The following DMD variants were observed in gnomAD, a reference collection of about 807,000 sequenced individuals.
DMD encodes the protein dystrophin, also known as mutant dystrophin.
DMD carries 63 observed loss-of-function variants against 330.1 expected under a neutral mutation model. The observed-to-expected ratio is 0.19, with a 90% CI of 0.16 to 0.24. The LOEUF is 0.24. DMD is among the 10% of genes least tolerant of loss of function. DMD has a pLI of 1.00. For missense variants in DMD, 3,344 were observed against 2,684.1 expected (o/e 1.25, Z -5.43); for synonymous variants, 1,223 against 959.8 (o/e 1.27, Z -5.07).
intron 7 of DMD, among the ~76,000 whole-genome samples, chrX:32,784,006 T>G (rs866659861): frequency 3.9e-4 from 35 of 90,409 alleles, no homozygotes; most frequent in Non-Finnish European, 6.4e-4. Flanking sequence ...GGAGCGGGGG[T>G]GGGGGGGGGA....
intron 55 of DMD, among the ~76,000 whole-genome samples, chrX:31,544,127 A>C (rs943726583): frequency 9.0e-6 from 1 of 111,011 alleles, no homozygotes; most frequent in Non-Finnish European, 1.9e-5. Flanking sequence ...GTTCAAGACC[A>C]GTCCGGCTAA....
intron 9 of DMD, among the ~76,000 whole-genome samples, chrX:32,649,559 T>TAAAAAAAAAAAA (rs1161462889): frequency 7.4e-5 from 4 of 54,252 alleles, no homozygotes; most frequent in African/African-American, 5.0e-4. Flanking sequence ...CCGTCTCTTT[T>TAAAAAAAAAAAA]AAAAAAAAAA....
At chrX:33,270,298 AAAGT>A (rs1025292307) in intron 1 of DMD, among the ~76,000 whole-genome samples, 1 of 109,827 alleles carries the variant, frequency 9.1e-6, no homozygotes, top group African/African-American at 3.3e-5. Context: ...AGCTGTGAGT[AAAGT>A]AAGGCTGAGT....
intron 2 of DMD, among the ~76,000 whole-genome samples, chrX:32,967,045 G>A (rs1369222764): frequency 8.9e-6 from 1 of 111,741 alleles, no homozygotes; most frequent in East Asian, 2.8e-4. Flanking sequence ...GCTTGGCTGG[G>A]CAGGATATGT....
chrX:33,172,700 G>A (rs371029910), intron 1 of DMD, among the ~76,000 whole-genome samples: 8 of 111,807 alleles, frequency 7.2e-5, no homozygotes, highest in Non-Finnish European at 1.3e-4. Flanking sequence ...TGCATTTAAC[G>A]CATTAGGAGG....
At chrX:32,853,606 G>A (rs1015259621) in intron 2 of DMD, among the ~76,000 whole-genome samples, 1 of 109,748 alleles carries the variant, frequency 9.1e-6, no homozygotes, top group Non-Finnish European at 1.9e-5. Flanking sequence ...TAAAAAGCAA[G>A]AAATAAAAGC....
At chrX:31,155,900 T>C (rs750645567) in intron 74 of DMD, among the ~76,000 whole-genome samples, 1 of 109,354 alleles carries the variant, frequency 9.1e-6, no homozygotes, top group Admixed American at 9.8e-5. Flanking sequence ...GAGGCTGGGG[T>C]GGGAGGACCG....
intron 1 of DMD, chrX:33,128,503 A>G (rs2095478536): frequency 1.2e-6 from 1 of 818,946 alleles, no homozygotes; most frequent in African/African-American, 2.2e-5. Flanking sequence ...GTTCCCTTCT[A>G]ATCAGTAACC....
At chrX:32,586,307 G>A (rs5972609) in intron 13 of DMD, among the ~76,000 whole-genome samples, 16,275 of 108,888 alleles carry the variant, frequency 0.15, 3,057 homozygotes, top group African/African-American at 0.51. Context: ...AATCGAGTGT[G>A]ACAGGTGTTA....
chrX:33,152,869 A>G (rs906963922), intron 1 of DMD, among the ~76,000 whole-genome samples: 1 of 112,297 alleles, frequency 8.9e-6, no homozygotes, highest in Non-Finnish European at 1.9e-5. Flanking sequence ...ATGTACAAAA[A>G]AAATACAATG....
intron 37 of DMD, among the ~76,000 whole-genome samples, chrX:32,355,508 C>A (rs943024918): frequency 8.9e-6 from 1 of 111,737 alleles, no homozygotes; most frequent in Non-Finnish European, 1.9e-5. Context: ...GTTATGCTAA[C>A]AAGACCCAGA....
chrX:32,434,681 G>A (rs1489743483), intron 29 of DMD, among the ~76,000 whole-genome samples: 1 of 111,797 alleles, frequency 8.9e-6, no homozygotes, highest in Admixed American at 9.5e-5. Flanking sequence ...AATATCCAAA[G>A]GATTGATTTA....
chrX:31,275,363 A>C (rs1370564156), intron 62 of DMD, among the ~76,000 whole-genome samples: 1 of 111,434 alleles, frequency 9.0e-6, no homozygotes, highest in Non-Finnish European at 1.9e-5. Flanking sequence ...GTATTTGGCC[A>C]ATATTGGATT....
At chrX:32,928,764 T>G (rs1019917908) in intron 2 of DMD, among the ~76,000 whole-genome samples, 2 of 112,157 alleles carry the variant, frequency 1.8e-5, no homozygotes, top group African/African-American at 6.5e-5. Flanking sequence ...GTTATAACAC[T>G]GTTAACTTAC....
chrX:32,286,240 T>G (rs931634549), intron 43 of DMD, among the ~76,000 whole-genome samples: 10 of 111,699 alleles, frequency 9.0e-5, no homozygotes, highest in African/African-American at 2.6e-4. Flanking sequence ...CATCAGATCA[T>G]ATATTCTACA....
At chrX:32,571,832 C>G (rs2052455969) in intron 15 of DMD, among the ~76,000 whole-genome samples, 1 of 111,223 alleles carries the variant, frequency 9.0e-6, no homozygotes, top group Admixed American at 9.6e-5. Flanking sequence ...TGCCTCTTAT[C>G]ACAAGTTTCA....
At chrX:31,221,055 A>G (rs1005315764) in intron 64 of DMD, among the ~76,000 whole-genome samples, 1 of 108,469 alleles carries the variant, frequency 9.2e-6, no homozygotes, top group African/African-American at 3.4e-5. Flanking sequence ...GGCCTGTCAA[A>G]TCCACTTCCT....
chrX:31,462,685 C>T (rs1053058171), intron 59 of DMD, among the ~76,000 whole-genome samples: 6 of 111,471 alleles, frequency 5.4e-5, no homozygotes, highest in African/African-American at 1.6e-4. Flanking sequence ...CCCCTGTTCT[C>T]AGGGTCTGCG....
At chrX:33,169,104 GC>G (rs2049208763) in intron 1 of DMD, among the ~76,000 whole-genome samples, 2 of 108,355 alleles carry the variant, frequency 1.8e-5, no homozygotes, top group African/African-American at 6.7e-5. Context: ...TTACATACAT[GC>G]TTTTATTACC....
Sources: allele counts gnomAD v4.1 joint callset (sites outside exome capture counted in the v4.1 genomes callset), GRCh38; gene constraint gnomAD v4.1.1; transcripts MANE v1.5; gene names NCBI Gene and HGNC (gene_info 2026-07-23, HGNC 2026-07-21).